Variants in NFASC observed in about 807,000 individuals in gnomAD.
NFASC encodes neurofascin homolog.
A neutral mutation model predicts 147.5 loss-of-function variants in NFASC; 43 were observed. The observed-to-expected ratio is 0.29, with a 90% CI of 0.23 to 0.38. NFASC has a LOEUF of 0.38. Among genes scored for constraint, NFASC ranks in the 10% least tolerant of loss-of-function variants. The probability of loss-of-function intolerance (pLI) is 1.00; values close to 1 mark genes in which losing one functional copy is unlikely to be tolerated. For missense variants in NFASC, 1,320 were observed against 1,689.0 expected (o/e 0.78, Z 3.83); for synonymous variants, 622 against 665.5 (o/e 0.93, Z 1.01).
chr1:205,001,387 C>A, intron 26 of NFASC, 101 bp downstream of exon 26: 1 of 719,292 alleles, frequency 1.4e-6, no homozygotes, highest in Non-Finnish European at 2.5e-6. Flanking sequence ...CTCCCCCAGG[C>A]TCAGAGAGGC....
chr1:204,920,689 G>A lies in NFASC; in HGVS notation c.-142G>A, dbSNP rs2090272981. 4 of 1,289,516 alleles carry A rather than the reference G, an allele frequency of 3.1e-6. No individual in the cohort carries two copies. The highest frequency in any genetic ancestry group is 3.0e-5 in the African/African-American group (2 of 65,802). The allele number at this position is 1,289,516 out of a possible 1,614,324, so 79.9% of individuals were successfully genotyped here. ...GAGTTTACCTTCCCTCCGCAGCCTG[G>A]AACAGAGCCTCCTCTGGTGTTGCAA... On this transcript the variant is annotated 5_prime_UTR_variant, in exon 2 of 30. An upstream open reading frame in the 5' UTR gains an earlier in-frame stop. Coordinates refer to ENST00000339876, the MANE Select transcript of NFASC (RefSeq NM_001005388.3).
chr1:204,922,422 A>G (rs2090674287), intron 2 of NFASC, among the ~76,000 whole-genome samples: 1 of 152,200 alleles, frequency 6.6e-6, no homozygotes, highest in South Asian at 2.1e-4. Flanking sequence ...GGACACCACC[A>G]GTCTAACCAG....
At chr1:204,909,508 G>A (rs951169164) in intron 1 of NFASC, among the ~76,000 whole-genome samples, 1 of 152,128 alleles carries the variant, frequency 6.6e-6, no homozygotes, top group Non-Finnish European at 1.5e-5. Context: ...CTAGTTCTTC[G>A]TCATATGTGT....
At chr1:204,994,156 G>A (rs1482359349) in intron 24 of NFASC, among the ~76,000 whole-genome samples, 1 of 152,168 alleles carries the variant, frequency 6.6e-6, no homozygotes, top group Non-Finnish European at 1.5e-5. Context: ...GCCCCGGGGA[G>A]GCTGCCGGAA....
chr1:204,946,743 C>G (rs559558201), intron 3 of NFASC: 1 of 519,050 alleles, frequency 1.9e-6, no homozygotes, highest in East Asian at 5.5e-5. Context: ...ACCTGGCCTT[C>G]CTCTGCAAGT....
rs1056935501 is a variant in NFASC, at chr1:204,995,346, G to A, written c.2783-1824G>A. ...TGTGTGTGTGTGTGTGTGTGTGTGT[G>A]TGTGTGTATGTGTGTCGGTGGGTGG... On this transcript the variant is annotated intron_variant, in intron 24 of 29. Coordinates refer to ENST00000339876, the MANE Select transcript of NFASC (RefSeq NM_001005388.3). 4.2e-4 allele frequency among the ~76,000 whole-genome samples: 62 copies of A among 148,168 alleles called. 1 individual carries two copies. The highest frequency in any genetic ancestry group is 4.5e-5 in the Non-Finnish European group (3 of 66,744).
At chr1:204,882,223 C>T (rs184772668) in intron 1 of NFASC, among the ~76,000 whole-genome samples, 2 of 152,272 alleles carry the variant, frequency 1.3e-5, no homozygotes, top group Non-Finnish European at 2.9e-5. Flanking sequence ...TCAACCCACC[C>T]CAACCCCTGG....
intron 1 of NFASC, among the ~76,000 whole-genome samples, chr1:204,858,082 G>A (rs558154077): frequency 2.0e-5 from 3 of 151,810 alleles, no homozygotes; most frequent in Non-Finnish European, 4.4e-5. Context: ...GTAACCCCCA[G>A]CTAATTTTTG....
rs769719407 is a variant in NFASC, at chr1:204,997,335, C to T, written c.2948C>T (p.Thr983Ile). Residue 983 changes from threonine (T) to isoleucine (I), a missense_variant, in exon 25 of 30, where the codon ACC becomes ATC. This residue lies in a region of NFASC where 172 missense variants were observed against 165.8 expected (regional missense o/e 1.04). Coordinates refer to ENST00000339876, the MANE Select transcript of NFASC (RefSeq NM_001005388.3). ...TTTTVATTTT[T>I]TAAATTTTES... ...ACCACCGTCGCCACAACTACTACAACCACTGCTGCCGCCACCACCACCACG... is the reference window on the plus strand; with the variant it reads ...ACCACCGTCGCCACAACTACTACAATCACTGCTGCCGCCACCACCACCACG... 11 of 1,566,096 alleles carry T rather than the reference C, an allele frequency of 7.0e-6. No individual in the cohort carries two copies. Among genetic ancestry groups the T allele is most frequent in the South Asian group, 5.8e-5 (5 of 86,456 alleles).
At chr1:204,955,951 G>A (rs2094404041) in intron 7 of NFASC, among the ~76,000 whole-genome samples, 1 of 152,196 alleles carries the variant, frequency 6.6e-6, no homozygotes, top group African/African-American at 2.4e-5. Flanking sequence ...CTCAATCACT[G>A]TCTCTCTCTT....
chr1:204,952,067 C>T lies in NFASC; in HGVS notation c.166C>T (p.Arg56Cys). The change falls in exon 5 of 30, where the codon CGT becomes TGT. Residue 56 changes from arginine (R) to cysteine (C), a missense_variant. Coordinates refer to ENST00000339876, the MANE Select transcript of NFASC (RefSeq NM_001005388.3). The stretch of plus-strand genomic sequence containing the variant: ...AGCGAAGGATCACATCGTGGACCCC[C>T]GTGATAACATCCTGATTGAGTGTGA... ...QSAKDHIVDP[R>C]DNILIECEAK... The T allele has an allele frequency of 2.5e-6, 4 of 1,614,122 alleles. No homozygotes were observed. The highest frequency in any genetic ancestry group is 2.5e-6 in the Non-Finnish European group (3 of 1,180,004).
rs1385813666 is a variant in NFASC at position 204,912,188 on chromosome 1, G to C, written c.-199-8444G>C. Among the ~76,000 whole-genome samples, 5 of 151,444 alleles carry C rather than the reference G, an allele frequency of 3.3e-5. No individual in the cohort carries two copies. The East Asian group carries it at 9.7e-4, about 29-fold the overall frequency. On this transcript the variant is annotated intron_variant, in intron 1 of 29. Transcript: ENST00000339876. ...TTGCTTTTAGGTTTTGGGGTGGGAGGCTGGCTCTTCTTTTACTAGTTCCTC... is the reference window on the plus strand; with the variant it reads ...TTGCTTTTAGGTTTTGGGGTGGGAGCCTGGCTCTTCTTTTACTAGTTCCTC...
intron 1 of NFASC, among the ~76,000 whole-genome samples, chr1:204,908,940 G>A (rs2086683634): frequency 6.6e-6 from 1 of 152,108 alleles, no homozygotes; most frequent in African/African-American, 2.4e-5. Flanking sequence ...GCTGAGTAGT[G>A]TTCCATGGTG....
At chr1:204,944,441 C>A in intron 3 of NFASC, 35 bp downstream of exon 3, 1 of 782,616 alleles carries the variant, frequency 1.3e-6, no homozygotes, top group Non-Finnish European at 1.9e-6. Flanking sequence ...CTTTTTTTTC[C>A]TGATTTTGGG....
chr1:204,858,144 T>A (rs2076334290), intron 1 of NFASC, among the ~76,000 whole-genome samples: 1 of 152,034 alleles, frequency 6.6e-6, no homozygotes, highest in South Asian at 2.1e-4. Context: ...GGTTTTGAAC[T>A]CCTAACCTCA....
At position 204,979,545 on chromosome 1, in the gene NFASC, G is replaced by A. The variant is rs768730398; in HGVS notation, c.2162G>A (p.Arg721Gln). 2.3e-5 allele frequency: 37 copies of A among 1,613,492 alleles called. No homozygotes were observed. In the East Asian group the frequency reaches 2.5e-4, roughly 11 times the overall value. The change falls in exon 19 of 30, where the codon CGA becomes CAA. Residue 721 changes from arginine to glutamine, a missense_variant. Coordinates refer to ENST00000339876, the MANE Select transcript of NFASC (RefSeq NM_001005388.3). This position sits in a 1 kb window ranked among gnomAD's most constrained non-coding sequence, Gnocchi z 6.0. ...SHPSLPSERY[R>Q]TSGAPPESNP... ...CCCAGCCTCCCATCCGAGCGCTACC[G>A]AACCAGTGGAGCACGTGAGTACCCG...
chr1:204,979,248 G>C lies in NFASC; in HGVS notation c.1979-114G>C, dbSNP rs1241715865. On this transcript the variant is annotated intron_variant, in intron 18 of 29. Transcript: ENST00000339876. This position sits in a 1 kb window ranked among gnomAD's most constrained non-coding sequence, Gnocchi z 6.0. ...GTGCCTTGGGAAGAATTCTCCTTGT[G>C]CCTTTGTGTGAGAGAGATTATAAAG... The C allele has an allele frequency of 9.7e-7, 1 of 1,036,230 alleles. No homozygotes were observed. Among genetic ancestry groups the C allele is most frequent in the East Asian group, 2.4e-5 (1 of 41,042 alleles). 64.2% of individuals were successfully genotyped at this position (1,036,230 alleles called of 1,614,324 possible).
Position 204,968,028 on chromosome 1 carries a change from C to A in NFASC, c.707-221C>A. ...GAAGCTGGGCTCCTCCAGGCAGATC[C>A]TTTCAGAACCTAGAGCTCCTCTCTC... On this transcript the variant is annotated intron_variant, in intron 8 of 29. Coordinates refer to ENST00000339876, the MANE Select transcript of NFASC (RefSeq NM_001005388.3). The surrounding 1 kb of genome is among the most constrained non-coding windows in gnomAD (Gnocchi z 5.4). 1 of 492,716 alleles carries A rather than the reference C, an allele frequency of 2.0e-6. No individual in the cohort carries two copies. Among genetic ancestry groups the A allele is most frequent in the South Asian group, 2.5e-5 (1 of 40,542 alleles). 30.5% of individuals were successfully genotyped at this position (492,716 alleles called of 1,614,324 possible).
intron 1 of NFASC, among the ~76,000 whole-genome samples, chr1:204,910,012 T>G (rs910240671): frequency 3.9e-5 from 6 of 152,170 alleles, no homozygotes; most frequent in African/African-American, 1.4e-4. Flanking sequence ...TTAAATTGGG[T>G]AGACTGATCC....
Sources: gnomAD v4.1 joint callset for allele counts (sites outside exome capture counted in the v4.1 genomes callset) on GRCh38, gnomAD v4.1.1 for gene constraint, gnomAD v4.1.1 regional missense constraint, Gnocchi (gnomAD v3.1) non-coding constraint, MANE v1.5 for transcripts, NCBI Gene and HGNC (gene_info 2026-07-23, HGNC 2026-07-21) for gene names.